Variants in FAM178B observed in about 807,000 individuals in gnomAD.
FAM178B encodes the protein family with sequence similarity 178 member B.
FAM178B carries 82 observed loss-of-function variants against 91.7 expected under a neutral mutation model. The observed-to-expected ratio is 0.89, with a 90% CI of 0.75 to 1.07. The LOEUF is 1.07. Ranked by LOEUF, FAM178B falls within the 50% of genes least tolerant of loss-of-function variation. The pLI is 0.00. For synonymous variants in FAM178B, 368 were observed against 359.4 expected, an observed-to-expected ratio of 1.02 and a Z score of -0.27; for missense variants, 769 against 846.7, an observed-to-expected ratio of 0.91 and a Z score of 1.14.
At chr2:96,985,414 C>CA (rs1401900277) in intron 1 of FAM178B, among the ~76,000 whole-genome samples, 1 of 152,216 alleles carries the variant, frequency 6.6e-6, no homozygotes, top group Non-Finnish European at 1.5e-5. Flanking sequence ...CCGAATCCTG[C>CA]AAACCCCAGC....
chr2:96,984,523 C>T (rs568500455), intron 1 of FAM178B, among the ~76,000 whole-genome samples: 1 of 152,258 alleles, frequency 6.6e-6, no homozygotes, highest in East Asian at 1.9e-4. Context: ...GCCCAATCAG[C>T]GTATTCAGAC....
chr2:96,959,661 C>G (rs1305633060), intron 6 of FAM178B, among the ~76,000 whole-genome samples: 2 of 152,182 alleles, frequency 1.3e-5, no homozygotes, highest in Admixed American at 6.5e-5. Flanking sequence ...TGCACTGAAC[C>G]CTGAGGACTT....
At chr2:96,896,903 G>A (rs574527081) in intron 13 of FAM178B, among the ~76,000 whole-genome samples, 13 of 152,150 alleles carry the variant, frequency 8.5e-5, no homozygotes, top group African/African-American at 2.4e-4. Flanking sequence ...ATCTTGCTCC[G>A]TCCCCCAGGC....
intron 6 of FAM178B, among the ~76,000 whole-genome samples, chr2:96,958,875 A>G (rs2082040711): frequency 6.6e-6 from 1 of 152,020 alleles, no homozygotes; most frequent in South Asian, 2.1e-4. Flanking sequence ...TTTGTAGATT[A>G]AATTTTCTGT....
At chr2:96,938,718 C>T (rs59178801) in intron 8 of FAM178B, among the ~76,000 whole-genome samples, 31,248 of 152,262 alleles carry the variant, frequency 0.21, 5,604 homozygotes, top group African/African-American at 0.48. Flanking sequence ...ACATGGTCCC[C>T]GTACTTTGGA....
In FAM178B at chr2:96,907,440, G is replaced by A. The variant is rs565369049; in HGVS notation, c.1563-4733C>T. Among the ~76,000 whole-genome samples the A allele has an allele frequency of 5.5e-4, 84 of 152,212 alleles. 1 individual carries two copies. The highest frequency in any genetic ancestry group is 9.0e-4 in the Non-Finnish European group (61 of 68,010). On this transcript the variant is annotated intron_variant, in intron 12 of 16. Coordinates refer to ENST00000490605, the MANE Select transcript of FAM178B (RefSeq NM_001122646.3). ...TGACCCCACCTGGCAAGGCCTCCCC[G>A]GAACTCCAACCAGGTTCAGAGGAGG... is the stretch of plus-strand genomic sequence containing the variant.
At chr2:96,922,836 G>A (rs2081365803) in intron 10 of FAM178B, among the ~76,000 whole-genome samples, 1 of 150,260 alleles carries the variant, frequency 6.7e-6, no homozygotes, top group South Asian at 2.1e-4. Context: ...TCCACGCCTG[G>A]CTAATTTTTG....
At chr2:96,922,575 C>T (rs1019472866) in intron 10 of FAM178B, among the ~76,000 whole-genome samples, 5 of 152,348 alleles carry the variant, frequency 3.3e-5, no homozygotes, top group South Asian at 2.1e-4. Context: ...ATCTTGAACT[C>T]CTAACTGCAG....
At chr2:96,900,297 T>G (rs2080902768) in intron 13 of FAM178B, among the ~76,000 whole-genome samples, 1 of 152,080 alleles carries the variant, frequency 6.6e-6, no homozygotes, top group African/African-American at 2.4e-5. Context: ...AGACCATCTA[T>G]GAAGTAACCT....
At chr2:96,969,566 C>T (rs1574316072) in intron 4 of FAM178B, among the ~76,000 whole-genome samples, 1 of 152,216 alleles carries the variant, frequency 6.6e-6, no homozygotes, top group East Asian at 1.9e-4. Context: ...CCTCCCAATG[C>T]CAGGCACACC....
chr2:96,935,344 G>A (rs1373436556), intron 8 of FAM178B, among the ~76,000 whole-genome samples: 2 of 152,174 alleles, frequency 1.3e-5, no homozygotes, highest in Non-Finnish European at 2.9e-5. Context: ...CTTAGCATGT[G>A]CCTCTCATGC....
chr2:96,972,530 A>G lies in FAM178B; in HGVS notation c.142+8T>C. On this transcript the variant is annotated splice_region_variant and intron_variant, in intron 2 of 16. Coordinates refer to ENST00000490605, the MANE Select transcript of FAM178B (RefSeq NM_001122646.3). ...GGGGATTTACCTGTGCAGGTGAGAG[A>G]CGCCTACCTTCTCTCAGAGGAAGGG... 6.4e-7 allele frequency: 1 copy of G among 1,551,586 alleles called. No homozygotes were observed. Among genetic ancestry groups the G allele is most frequent in the Non-Finnish European group, 8.7e-7 (1 of 1,146,888 alleles).
At position 96,947,923 on chromosome 2, in the gene FAM178B, AAAAC is replaced by A; in HGVS notation, c.994-25_994-22del. On this transcript the variant is annotated intron_variant, in intron 7 of 16. Coordinates refer to ENST00000490605, the MANE Select transcript of FAM178B (RefSeq NM_001122646.3). ...AGCAGCTAGGTGGAAAAAAAAAACA[AAAAC>A]AAAAACCTGGTGAGCTGGGTCATTC... 3.6e-6 allele frequency: 5 copies of A among 1,400,958 alleles called. No homozygotes were observed. In the African/African-American group the frequency reaches 5.9e-5, roughly 17 times the overall value. The allele number at this position is 1,400,958 out of a possible 1,614,324, so 86.8% of individuals were successfully genotyped here. A position where few individuals can be genotyped will look rare whatever the true frequency, so the allele number is the denominator to read the frequency against.
chr2:96,947,072 C>G (rs2081841816), intron 8 of FAM178B, among the ~76,000 whole-genome samples: 2 of 152,232 alleles, frequency 1.3e-5, no homozygotes, highest in Admixed American at 1.3e-4. Context: ...GAGGCGGGGT[C>G]TGACCACCTG....
intron 12 of FAM178B, 34 bp from the exon 13 acceptor site, chr2:96,902,741 G>A: frequency 1.3e-6 from 2 of 1,507,378 alleles, no homozygotes; most frequent in Non-Finnish European, 1.8e-6. Context: ...GAGAGGGTGT[G>A]CTGGAAGTCG....
chr2:96,938,582 C>T (rs553691639), intron 8 of FAM178B, among the ~76,000 whole-genome samples: 9 of 152,320 alleles, frequency 5.9e-5, no homozygotes, highest in South Asian at 2.1e-4. Context: ...TGCTGTCCAC[C>T]GGGAGACGCA....
In FAM178B at chr2:96,971,964, C is replaced by G; in HGVS notation, c.501G>C (p.Leu167=). The stretch of plus-strand genomic sequence containing the variant: ...TCCAGAACAGCTTCTCTGGCAAGGC[C>G]AGGCCCCTCTTCGGGTCCAAGTCCA... ...EHLDLDPKRG[L]ALPEKLFWNT... is the part of the protein sequence containing the mutation. The change falls in exon 3 of 17, where the codon CTG becomes CTC. Residue 167 remains leucine, a synonymous_variant. Coordinates refer to ENST00000490605, the MANE Select transcript of FAM178B (RefSeq NM_001122646.3). The G allele has an allele frequency of 6.4e-7, 1 of 1,558,760 alleles. No individual in the cohort carries two copies. The highest frequency in any genetic ancestry group is 8.7e-7 in the Non-Finnish European group (1 of 1,151,658).
At chr2:96,951,327 G>A in intron 7 of FAM178B, 52 bp downstream of exon 7, 1 of 1,346,242 alleles carries the variant, frequency 7.4e-7, no homozygotes, top group African/African-American at 1.5e-5. Flanking sequence ...GGCCTGCCGG[G>A]CCACCAGACT....
At chr2:96,905,844 A>ATATATGTGTGTGTGTG (rs1423235901) in intron 12 of FAM178B, among the ~76,000 whole-genome samples, 286 of 28,552 alleles carry the variant, frequency 0.01, 12 homozygotes, top group Non-Finnish European at 0.016. Context: ...ATATATATAT[A>ATATATGTGTGTGTGTG]TATATATATA....
Sources: allele counts gnomAD v4.1 joint callset (sites outside exome capture counted in the v4.1 genomes callset), GRCh38; gene constraint gnomAD v4.1.1; transcripts MANE v1.5; gene names NCBI Gene and HGNC (gene_info 2026-07-23, HGNC 2026-07-21).